The following WWOX variants were observed in gnomAD, a reference collection of about 807,000 sequenced individuals.
WWOX encodes the protein WW domain containing oxidoreductase.
A neutral mutation model predicts 46.2 loss-of-function variants in WWOX; 69 were observed. That is an observed-to-expected ratio of 1.49 (90% CI 1.23 to 1.82). The LOEUF (loss-of-function observed/expected upper bound fraction) is 1.82, where lower values mean the gene tolerates loss of function less well. Among genes scored for constraint, WWOX ranks in the 40% most tolerant of loss-of-function variants. WWOX has a pLI of 0.00. For synonymous variants in WWOX, 359 were observed against 202.6 expected, an observed-to-expected ratio of 1.77 and a Z score of -6.56; for missense variants, 919 against 542.6, an observed-to-expected ratio of 1.69 and a Z score of -6.89.
At chr16:78,670,880 G>A (rs1003122752) in intron 8 of WWOX, among the ~76,000 whole-genome samples, 6 of 151,880 alleles carry the variant, frequency 4.0e-5, no homozygotes, top group Admixed American at 3.3e-4. Flanking sequence ...ACTGGTTTAG[G>A]GTGGGCCCTA....
At chr16:78,138,108 G>A (rs1399819270) in intron 4 of WWOX, among the ~76,000 whole-genome samples, 2 of 150,680 alleles carry the variant, frequency 1.3e-5, no homozygotes, top group Non-Finnish European at 3.0e-5. Context: ...ATGGCTCGCT[G>A]CATCCTCTTC....
In WWOX at chr16:78,343,366, C is replaced by A. The variant is rs1195909281; in HGVS notation, c.517-43494C>A. 1.7e-5 allele frequency among the ~76,000 whole-genome samples: 2 copies of A among 121,162 alleles called. 1 individual carries two copies. Among genetic ancestry groups the A allele is most frequent in the African/African-American group, 5.6e-5 (2 of 35,724 alleles). The allele number at this position is 121,162 out of a possible 152,430, so 79.5% of individuals were successfully genotyped here. The stretch of plus-strand genomic sequence containing the variant: ...CACATTAAACGGTCAGTGCACAGGT[C>A]CTCATTTTTCTCATGCTTCCATTTC... On this transcript the variant is annotated intron_variant, in intron 5 of 8. Transcript: ENST00000566780.
In WWOX at chr16:79,005,727, A is replaced by G. The variant is rs1469271968; in HGVS notation, c.1057-205881A>G. Among the ~76,000 whole-genome samples the G allele has an allele frequency of 3.3e-5, 5 of 152,204 alleles. No individual in the cohort carries two copies. In the East Asian group the frequency reaches 9.6e-4, roughly 29 times the overall value. On this transcript the variant is annotated intron_variant, in intron 8 of 8. Transcript: ENST00000566780. Reference sequence around the variant, plus strand: ...GCCCACCCTAATTCACTGTAATCACATCTTACCTAAGTCCATCTGCAAAGA... The same window carrying G: ...GCCCACCCTAATTCACTGTAATCACGTCTTACCTAAGTCCATCTGCAAAGA...
chr16:79,106,691 C>G (rs1408221016), intron 8 of WWOX: 1 of 140,020 alleles, frequency 7.1e-6, no homozygotes, highest in Non-Finnish European at 1.5e-5. Context: ...ACCTCAAACT[C>G]TTGGGCTCAA....
At position 78,144,561 on chromosome 16, in the gene WWOX, G is replaced by C. The variant is rs375208893; in HGVS notation, c.410-19622G>C. ...TTTGGAGATGGAGTTTTACTCTGTC[G>C]CCCAGGCTGGAGTACAGTGGCGCGA... On this transcript the variant is annotated intron_variant, in intron 4 of 8. Transcript: ENST00000566780. Among the ~76,000 whole-genome samples, 18 of 120,292 alleles carry C rather than the reference G, an allele frequency of 1.5e-4. No individual in the cohort carries two copies. The East Asian group carries it at 3.8e-3, about 26-fold the overall frequency. The allele number at this position is 120,292 out of a possible 152,430, so 78.9% of individuals were successfully genotyped here.
intron 8 of WWOX, among the ~76,000 whole-genome samples, chr16:79,091,094 G>A (rs2048950718): frequency 6.6e-6 from 1 of 152,130 alleles, no homozygotes; most frequent in Non-Finnish European, 1.5e-5. Flanking sequence ...GGCCTAGAAA[G>A]ACTGGATTTT....
At chr16:78,326,899 A>G (rs1241600813) in intron 5 of WWOX, among the ~76,000 whole-genome samples, 1 of 152,152 alleles carries the variant, frequency 6.6e-6, no homozygotes, top group East Asian at 1.9e-4. Context: ...TGAATACTGA[A>G]GTTTCTCACC....
At position 78,422,734 on chromosome 16, in the gene WWOX, C is replaced by CACATATATAT. The variant is rs1567563412; in HGVS notation, c.606-2133_606-2132insTATATATACA. On this transcript the variant is annotated intron_variant, in intron 6 of 8. Transcript: ENST00000566780. ...ATACACACACACATATATATATACA[C>CACATATATAT]ACACATATATATACACATATATACA... 3.4e-4 allele frequency among the ~76,000 whole-genome samples: 29 copies of CACATATATAT among 86,008 alleles called. 1 individual carries two copies. The highest frequency in any genetic ancestry group is 2.9e-3 in the African/African-American group (29 of 10,052). The allele number at this position is 86,008 out of a possible 152,430, so 56.4% of individuals were successfully genotyped here.
At chr16:78,902,065 A>C (rs758912179) in intron 8 of WWOX, among the ~76,000 whole-genome samples, 22 of 152,218 alleles carry the variant, frequency 1.4e-4, no homozygotes, top group Non-Finnish European at 2.6e-4. Context: ...AGAGCTGGCA[A>C]AATCGTCTTG....
intron 8 of WWOX, among the ~76,000 whole-genome samples, chr16:78,858,228 G>C (rs1041006922): frequency 6.7e-6 from 1 of 148,166 alleles, no homozygotes; most frequent in South Asian, 2.2e-4. Context: ...GGGTAAAGTG[G>C]TTTTTGATTA....
At chr16:78,784,115 T>C (rs775973885) in intron 8 of WWOX, among the ~76,000 whole-genome samples, 4 of 152,222 alleles carry the variant, frequency 2.6e-5, no homozygotes, top group African/African-American at 7.2e-5. Context: ...GTTTTTTAAA[T>C]GCATTTACAC....
chr16:78,396,767 C>A (rs571328094), intron 6 of WWOX, among the ~76,000 whole-genome samples: 2 of 152,338 alleles, frequency 1.3e-5, no homozygotes, highest in East Asian at 1.9e-4. Context: ...GGCAACCATT[C>A]AAGCATTGTT....
chr16:78,277,812 A>G (rs909599729), intron 5 of WWOX, among the ~76,000 whole-genome samples: 7 of 152,198 alleles, frequency 4.6e-5, no homozygotes, highest in Non-Finnish European at 7.3e-5. Context: ...AAAAGGATAC[A>G]TTTTGAAATC....
chr16:78,797,205 C>A (rs908223062), intron 8 of WWOX, among the ~76,000 whole-genome samples: 1 of 151,874 alleles, frequency 6.6e-6, no homozygotes, highest in Admixed American at 6.6e-5. Context: ...ATGACATAAT[C>A]CATGAGAGTG....
At chr16:79,152,965 G>A (rs931280613) in intron 8 of WWOX, among the ~76,000 whole-genome samples, 1 of 152,128 alleles carries the variant, frequency 6.6e-6, no homozygotes, top group Non-Finnish European at 1.5e-5. Context: ...GCGTGAGAGT[G>A]TCAGGGAAGC....
intron 8 of WWOX, among the ~76,000 whole-genome samples, chr16:78,999,421 G>A (rs1462663297): frequency 1.3e-5 from 2 of 152,160 alleles, no homozygotes; most frequent in African/African-American, 4.8e-5. Flanking sequence ...GGTGAGCCGA[G>A]ATTGCACCAT....
intron 4 of WWOX, among the ~76,000 whole-genome samples, chr16:78,163,494 A>C (rs2034865897): frequency 6.6e-6 from 1 of 152,198 alleles, no homozygotes; most frequent in Non-Finnish European, 1.5e-5. Context: ...CCATCTTCTC[A>C]GGCTTCCAAC....
chr16:78,469,220 T>C (rs2084161563), intron 8 of WWOX, among the ~76,000 whole-genome samples: 1 of 152,160 alleles, frequency 6.6e-6, no homozygotes, highest in Non-Finnish European at 1.5e-5. Flanking sequence ...AGAAGCATAA[T>C]TGAGCCTCCA....
At chr16:78,838,281 A>G (rs1365482720) in intron 8 of WWOX, among the ~76,000 whole-genome samples, 3 of 152,110 alleles carry the variant, frequency 2.0e-5, no homozygotes, top group African/African-American at 7.2e-5. Flanking sequence ...AAGACAGGGT[A>G]GTTGGGCCAT....
Sources: gnomAD v4.1 joint callset for allele counts (sites outside exome capture counted in the v4.1 genomes callset) on GRCh38, gnomAD v4.1.1 for gene constraint, MANE v1.5 for transcripts, NCBI Gene and HGNC (gene_info 2026-07-23, HGNC 2026-07-21) for gene names.